Variants in STAG1 observed in about 807,000 individuals in gnomAD.
STAG1 encodes STAG1 cohesin complex component.
STAG1 carries 26 observed loss-of-function variants against 170.9 expected under a neutral mutation model. The observed-to-expected ratio is 0.15, with a 90% confidence interval of 0.11 to 0.21. The LOEUF is 0.21. STAG1 is among the 10% of genes least tolerant of loss of function. The pLI is 1.00. For missense variants in STAG1, 964 were observed against 1,509.5 expected (o/e 0.64, Z 5.99); for synonymous variants, 514 against 497.7 (o/e 1.03, Z -0.44).
rs142525553 is a variant in STAG1, at chr3:136,486,738, T to G, written c.903-9326A>C. 9.7e-4 allele frequency among the ~76,000 whole-genome samples: 147 copies of G among 152,256 alleles called. 2 individuals carry two copies. The East Asian group carries it at 0.027, about 28-fold the overall frequency. On this transcript the variant is annotated intron_variant, in intron 9 of 33. Coordinates refer to ENST00000383202, the MANE Select transcript of STAG1 (RefSeq NM_005862.3). ...CATTCTTCCATCTAACTCTTCCAACTAACTCTTAGAGTTAGGTTAATTCTT... is the reference window on the plus strand; with the variant it reads ...CATTCTTCCATCTAACTCTTCCAACGAACTCTTAGAGTTAGGTTAATTCTT...
At chr3:136,746,815 AGCCAGGCACAGT>A (rs1372661679) in intron 1 of STAG1, among the ~76,000 whole-genome samples, 1 of 152,004 alleles carries the variant, frequency 6.6e-6, no homozygotes, top group African/African-American at 2.4e-5. Context: ...TTAGCCAGGC[AGCCAGGCACAGT>A]GCCTCAAGCC....
At chr3:136,363,652 T>C (rs575815001) in intron 25 of STAG1, among the ~76,000 whole-genome samples, 185 bp from the exon 26 acceptor site, 1 of 151,904 alleles carries the variant, frequency 6.6e-6, no homozygotes, top group East Asian at 1.9e-4. Flanking sequence ...AGGAGTTAAA[T>C]AACTAAAGTT....
At chr3:136,503,088 G>A (rs1195202400) in intron 7 of STAG1, among the ~76,000 whole-genome samples, 2 of 151,990 alleles carry the variant, frequency 1.3e-5, no homozygotes, top group Non-Finnish European at 1.5e-5. Flanking sequence ...AAATACACAC[G>A]TAAGGGCACA....
At chr3:136,683,495 C>T (rs1007914929) in intron 1 of STAG1, among the ~76,000 whole-genome samples, 18 of 152,078 alleles carry the variant, frequency 1.2e-4, no homozygotes, top group Non-Finnish European at 4.4e-5. Context: ...AACTCCTGGA[C>T]TCAGGTGATC....
rs540278207 is a variant in STAG1, at chr3:136,356,314, T to C, written c.3065+1406A>G. Among the ~76,000 whole-genome samples the C allele has an allele frequency of 9.2e-5, 14 of 152,292 alleles. No homozygotes were observed. In the South Asian group the frequency reaches 2.7e-3, roughly 29 times the overall value. On this transcript the variant is annotated intron_variant, in intron 28 of 33. Coordinates refer to ENST00000383202, the MANE Select transcript of STAG1 (RefSeq NM_005862.3). ...ACATCAACATCTTTACTTAGAACTA[T>C]CACTTATAGTCATATAAGTATTAAC...
chr3:136,535,196 T>C (rs1935559318), intron 6 of STAG1, among the ~76,000 whole-genome samples: 1 of 152,116 alleles, frequency 6.6e-6, no homozygotes, highest in South Asian at 2.1e-4. Flanking sequence ...CCTGATCTCA[T>C]GGTGATAGGG....
rs572258326 is a variant in STAG1, at chr3:136,591,359, AAAGGAAGGAAGG to A, written c.297+12938_297+12949del. On this transcript the variant is annotated intron_variant, in intron 4 of 33. Coordinates refer to ENST00000383202, the MANE Select transcript of STAG1 (RefSeq NM_005862.3). ...GGAGGGAAAGAAGGAAGGAAGGAAGAAAGGAAGGAAGGAAGGAGGGAAGGAAGGAAATTGTTT... is the reference window on the plus strand; with the variant it reads ...GGAGGGAAAGAAGGAAGGAAGGAAGAAAGGAGGGAAGGAAGGAAATTGTTT... 3.3e-3 allele frequency: 504 copies of A among 154,984 alleles called. 7 individuals carry two copies. The East Asian group carries it at 0.047, about 15-fold the overall frequency. 9.6% of individuals were successfully genotyped at this position (154,984 alleles called of 1,614,324 possible). A position where few individuals can be genotyped will look rare whatever the true frequency, so the allele number is the denominator to read the frequency against.
chr3:136,458,201 G>C (rs1251459004), intron 13 of STAG1, among the ~76,000 whole-genome samples: 1 of 151,910 alleles, frequency 6.6e-6, no homozygotes, highest in Non-Finnish European at 1.5e-5. Context: ...CTGTCACCTA[G>C]GCTGGAGTGC....
chr3:136,342,646 C>T (rs961786970), intron 30 of STAG1, among the ~76,000 whole-genome samples: 1 of 152,236 alleles, frequency 6.6e-6, no homozygotes, highest in African/African-American at 2.4e-5. Context: ...CATACCCATA[C>T]ATTTATAGGA....
At chr3:136,694,211 AATATCGTAG>A (rs1942811231) in intron 1 of STAG1, among the ~76,000 whole-genome samples, 1 of 152,180 alleles carries the variant, frequency 6.6e-6, no homozygotes, top group Admixed American at 6.5e-5. Context: ...TACTTATCCC[AATATCGTAG>A]GCCAGAAGCT....
intron 5 of STAG1, among the ~76,000 whole-genome samples, chr3:136,557,495 G>A (rs1210637492): frequency 2.0e-5 from 3 of 152,108 alleles, no homozygotes; most frequent in Non-Finnish European, 4.4e-5. Flanking sequence ...AAGAAAACAG[G>A]AGAGTATCTT....
intron 6 of STAG1, among the ~76,000 whole-genome samples, chr3:136,537,816 C>G (rs1935712703): frequency 6.6e-6 from 1 of 151,850 alleles, no homozygotes; most frequent in Admixed American, 6.6e-5. Flanking sequence ...ATTTTTAACT[C>G]CTGGCAAAAT....
Position 136,518,439 on chromosome 3 carries a change from A to G in STAG1, c.676+2774T>C, listed in dbSNP as rs775624485. Reference sequence around the variant, plus strand: ...TCCTGCAAAGTGAATAAAAATGATTATCTTTTAATCTATTCCTCGTACATA... The same window carrying G: ...TCCTGCAAAGTGAATAAAAATGATTGTCTTTTAATCTATTCCTCGTACATA... On this transcript the variant is annotated intron_variant, in intron 7 of 33. Coordinates refer to ENST00000383202, the MANE Select transcript of STAG1 (RefSeq NM_005862.3). 8.6e-6 allele frequency: 6 copies of G among 699,908 alleles called. No individual in the cohort carries two copies. The African/African-American group carries it at 8.8e-5, about 10-fold the overall frequency. 43.4% of individuals were successfully genotyped at this position (699,908 alleles called of 1,614,324 possible).
chr3:136,391,236 G>A (rs1027491762), intron 22 of STAG1, among the ~76,000 whole-genome samples: 3 of 152,070 alleles, frequency 2.0e-5, no homozygotes, highest in Admixed American at 2.0e-4. Context: ...GAAACATGCA[G>A]GGTAAGGCAG....
chr3:136,421,141 T>C lies in STAG1; in HGVS notation c.2060A>G (p.Asp687Gly). 6.2e-7 allele frequency: 1 copy of C among 1,607,134 alleles called. No homozygotes were observed. Among genetic ancestry groups the C allele is most frequent in the Non-Finnish European group, 8.5e-7 (1 of 1,176,314 alleles). ...TAATGTAGAAAGAACATTGTAAATG[T>C]CATCATCATCAGCTTCTTCTCCCTA... is the stretch of plus-strand genomic sequence containing the variant. ...LQEGEEADDDDIYNVLSTLKR... is the reference protein window; with the variant it reads ...LQEGEEADDDGIYNVLSTLKR... The change falls in exon 20 of 34, where the codon GAC (aspartate) becomes GGC (glycine). Residue 687 changes from aspartate (D) to glycine (G), a missense_variant. This residue lies in a region of STAG1 where 232 missense variants were observed against 313.0 expected (regional missense o/e 0.74). Coordinates refer to ENST00000383202, the MANE Select transcript of STAG1 (RefSeq NM_005862.3).
At chr3:136,551,492 C>G (rs1041771016) in intron 5 of STAG1, among the ~76,000 whole-genome samples, 5 of 146,336 alleles carry the variant, frequency 3.4e-5, no homozygotes, top group Non-Finnish European at 5.9e-5. Flanking sequence ...GTTGCCCAGG[C>G]TACTCTAGAA....
chr3:136,492,219 A>AT (rs1208759613), intron 9 of STAG1, among the ~76,000 whole-genome samples: 3 of 152,232 alleles, frequency 2.0e-5, no homozygotes, highest in Non-Finnish European at 2.9e-5. Flanking sequence ...AGTAGGTCAC[A>AT]TTCTCAACTA....
intron 5 of STAG1, among the ~76,000 whole-genome samples, chr3:136,568,429 C>T (rs1401157379): frequency 1.3e-5 from 2 of 152,098 alleles, no homozygotes; most frequent in Non-Finnish European, 2.9e-5. Flanking sequence ...AACTAGCACA[C>T]TTCCCAATAT....
intron 30 of STAG1, 88 bp downstream of exon 30, chr3:136,343,744 A>G (rs1383200121): frequency 4.7e-6 from 5 of 1,072,472 alleles, no homozygotes; most frequent in Non-Finnish European, 6.5e-6. Flanking sequence ...GACCAGCAAT[A>G]TGTTCTGATG....
Sources: allele counts gnomAD v4.1 joint callset (sites outside exome capture counted in the v4.1 genomes callset), GRCh38; gene constraint gnomAD v4.1.1; regional missense constraint gnomAD v4.1.1; transcripts MANE v1.5; gene names NCBI Gene and HGNC (gene_info 2026-07-23, HGNC 2026-07-21).